NSUN5: variants seen among roughly 807,000 people sequenced by gnomAD.
NSUN5 encodes the protein 28S rRNA (cytosine-C(5))-methyltransferase.
A neutral mutation model predicts 51.1 loss-of-function variants in NSUN5; 39 were observed. That is an observed-to-expected ratio of 0.76 (90% CI 0.59 to 1.00). The LOEUF is 1.00. Ranked by LOEUF, NSUN5 falls within the 50% of genes least tolerant of loss-of-function variation. The pLI, the probability that NSUN5 is intolerant of heterozygous loss-of-function variation, is 0.00. For missense variants in NSUN5, 526 were observed against 614.0 expected (o/e 0.86, Z 1.51); for synonymous variants, 266 against 271.5 (o/e 0.98, Z 0.20).
At chr7:73,307,548 C>G in intron 3 of NSUN5, 35 bp downstream of exon 3, 1 of 1,584,980 alleles carries the variant, frequency 6.3e-7, no homozygotes, top group Non-Finnish European at 8.7e-7. Flanking sequence ...GCAAAGTTCC[C>G]CGCCTCCCCC....
In NSUN5 at chr7:73,308,688, G is replaced by A; in HGVS notation, c.93+10C>T. On this transcript the variant is annotated intron_variant, in intron 1 of 9. Transcript: ENST00000438747. ...TCCCCACCCCTACTACTCGCGCCCA[G>A]GTCCGCTACCTGGAAGTTGCTGGAG... 1 of 1,465,132 alleles carries A rather than the reference G, an allele frequency of 6.8e-7. No homozygotes were observed. The highest frequency in any genetic ancestry group is 9.2e-7 in the Non-Finnish European group (1 of 1,089,026). The allele number at this position is 1,465,132 out of a possible 1,614,324, so 90.8% of individuals were successfully genotyped here.
At chr7:73,307,053 A>G (rs1320237907) in intron 4 of NSUN5, among the ~76,000 whole-genome samples, 2 of 152,018 alleles carry the variant, frequency 1.3e-5, no homozygotes, top group Non-Finnish European at 2.9e-5. Flanking sequence ...CTGAGAGGAA[A>G]GATGACAAAT....
At position 73,308,684 on chromosome 7, in the gene NSUN5, C is replaced by G; in HGVS notation, c.93+14G>C. On this transcript the variant is annotated intron_variant, in intron 1 of 9. Transcript: ENST00000438747. Reference sequence around the variant, plus strand: ...TCACTCCCCACCCCTACTACTCGCGCCCAGGTCCGCTACCTGGAAGTTGCT... The same window carrying G: ...TCACTCCCCACCCCTACTACTCGCGGCCAGGTCCGCTACCTGGAAGTTGCT... 1 of 1,607,972 alleles carries G rather than the reference C, an allele frequency of 6.2e-7. No homozygotes were observed. The highest frequency in any genetic ancestry group is 2.2e-5 in the East Asian group (1 of 44,764).
At chr7:73,306,307 C>A (rs1343400623) in intron 4 of NSUN5, among the ~76,000 whole-genome samples, 1 of 148,750 alleles carries the variant, frequency 6.7e-6, no homozygotes, top group Non-Finnish European at 1.5e-5. Flanking sequence ...TTGCTTGAAC[C>A]CAGGAGGCAG....
At position 73,308,690 on chromosome 7, in the gene NSUN5, T is replaced by G. The variant is rs367842900; in HGVS notation, c.93+8A>C. ...CCCACCCCTACTACTCGCGCCCAGG[T>G]CCGCTACCTGGAAGTTGCTGGAGTA... On this transcript the variant is annotated splice_region_variant and intron_variant, in intron 1 of 9. Transcript: ENST00000438747. The G allele has an allele frequency of 2.4e-4, 376 of 1,535,304 alleles. No individual in the cohort carries two copies. The highest frequency in any genetic ancestry group is 3.2e-4 in the Non-Finnish European group (365 of 1,135,328).
intron 4 of NSUN5, among the ~76,000 whole-genome samples, chr7:73,305,765 A>G (rs1167490994): frequency 1.3e-5 from 2 of 152,170 alleles, no homozygotes; most frequent in Non-Finnish European, 2.9e-5. Flanking sequence ...AAATAGGCCT[A>G]GAGAGTCACA....
Position 73,304,377 on chromosome 7 carries a change from G to T in NSUN5, c.787C>A (p.Arg263=). Residue 263 remains arginine (R), a synonymous_variant, in exon 7 of 10, where the codon CGG becomes AGG. Transcript: ENST00000438747. ...AGCAGCGTGGCCATGGATGCCAGCC[G>T]CTTGGCATCCAGGTCAAAGGCAAAG... ...KIFAFDLDAK[R]LASMATLLAR... 1 of 1,613,458 alleles carries T rather than the reference G, an allele frequency of 6.2e-7. No individual in the cohort carries two copies. The highest frequency in any genetic ancestry group is 8.5e-7 in the Non-Finnish European group (1 of 1,179,672).
chr7:73,306,245 G>A (rs1449025950), intron 4 of NSUN5, among the ~76,000 whole-genome samples: 4 of 151,754 alleles, frequency 2.6e-5, no homozygotes, highest in African/African-American at 7.3e-5. Context: ...TTAGCCGGGC[G>A]TGGTGCTGCA....
At position 73,308,503 on chromosome 7, in the gene NSUN5, G is replaced by T; in HGVS notation, c.144C>A (p.Ala48=). ...CGCTGGCGATCACAGCATCCAGCACGGCGGAGTAGCGCTGCGTTTCGCACA... is the reference window on the plus strand; with the variant it reads ...CGCTGGCGATCACAGCATCCAGCACTGCGGAGTAGCGCTGCGTTTCGCACA... ...ALVCETQRYS[A]VLDAVIASAG... is the part of the protein sequence containing the mutation. The change falls in exon 2 of 10, where the codon GCC becomes GCA. Residue 48 remains alanine (A), a synonymous_variant. Coordinates refer to ENST00000438747, the MANE Select transcript of NSUN5 (RefSeq NM_148956.4). The T allele has an allele frequency of 1.2e-6, 2 of 1,606,850 alleles. No homozygotes were observed. The highest frequency in any genetic ancestry group is 1.7e-6 in the Non-Finnish European group (2 of 1,175,568).
chr7:73,305,192 T>C (rs534104171), intron 4 of NSUN5, 95 bp from the exon 5 acceptor site: 188 of 1,480,978 alleles, frequency 1.3e-4, no homozygotes, highest in South Asian at 1.0e-3. Context: ...ACCACAGCTA[T>C]GGAGAAATCA....
intron 1 of NSUN5, 39 bp from the exon 2 acceptor site, chr7:73,308,592 C>T (rs782138338): frequency 8.8e-6 from 14 of 1,589,004 alleles, no homozygotes; most frequent in Non-Finnish European, 1.2e-5. Flanking sequence ...GGGGGCTCCC[C>T]CGGCCCTCCT....
In NSUN5 at chr7:73,303,819, C is replaced by T. The variant is rs1803911760; in HGVS notation, c.1145+7G>A. On this transcript the variant is annotated splice_region_variant and intron_variant, in intron 8 of 9. Coordinates refer to ENST00000438747, the MANE Select transcript of NSUN5 (RefSeq NM_148956.4). ...CACTCCCCACGACCCTGGCGCCCGC[C>T]CTGTACCTGAAGGCGCCCGGGTTCT... The T allele has an allele frequency of 1.9e-6, 3 of 1,613,848 alleles. No homozygotes were observed. The highest frequency in any genetic ancestry group is 2.5e-6 in the Non-Finnish European group (3 of 1,179,880).
Position 73,307,273 on chromosome 7 carries a change from T to A in NSUN5, c.500+121A>T, listed in dbSNP as rs375837633. 4.2e-6 allele frequency: 3 copies of A among 710,432 alleles called. No individual in the cohort carries two copies. In the South Asian group the frequency reaches 5.3e-5, roughly 13 times the overall value. The allele number at this position is 710,432 out of a possible 1,614,324, so 44.0% of individuals were successfully genotyped here. On this transcript the variant is annotated intron_variant, in intron 4 of 9. Coordinates refer to ENST00000438747, the MANE Select transcript of NSUN5 (RefSeq NM_148956.4). The stretch of plus-strand genomic sequence containing the variant: ...CAGGAAGACAAACCTTGGAGATGGA[T>A]AAACTGCTGGAAAGGTAGGAAGAAA...
chr7:73,303,966 T>C lies in NSUN5; in HGVS notation c.1005A>G (p.Ala335=). ...GGCACAGGGCTCGCTGCTGGAACCC[T>C]GCCAGGGCATGCAGACGCACCGGGC... ...TPSPVRLHAL[A]GFQQRALCHA... The change falls in exon 8 of 10, where the codon GCA becomes GCG. Residue 335 remains alanine (A), a synonymous_variant. Coordinates refer to ENST00000438747, the MANE Select transcript of NSUN5 (RefSeq NM_148956.4). 6.2e-7 allele frequency: 1 copy of C among 1,614,136 alleles called. No homozygotes were observed. The highest frequency in any genetic ancestry group is 8.5e-7 in the Non-Finnish European group (1 of 1,180,022).
Position 73,303,925 on chromosome 7 carries a change from G to C in NSUN5, c.1046C>G (p.Pro349Arg), listed in dbSNP as rs566215915. 5 of 1,614,018 alleles carry C rather than the reference G, an allele frequency of 3.1e-6. No homozygotes were observed. The African/African-American group carries it at 5.3e-5, about 17-fold the overall frequency. ...GGAGTAGACGAGCCGCTGCAGGGAA[G>C]GGAAAGTGAGTGCGTGGCACAGGGC... ...QRALCHALTFPSLQRLVYSTC... is the reference protein window; with the variant it reads ...QRALCHALTFRSLQRLVYSTC... Residue 349 changes from proline to arginine, a missense_variant, in exon 8 of 10, where the codon CCT becomes CGT. Pro to Arg is a moderately radical substitution (Grantham distance 103). Transcript: ENST00000438747.
At chr7:73,307,340 C>T (rs560243848) in intron 4 of NSUN5, 54 bp downstream of exon 4, 2 of 1,324,650 alleles carry the variant, frequency 1.5e-6, no homozygotes, top group East Asian at 2.3e-5. Flanking sequence ...ACTTCTCTTC[C>T]CAATACCCCA....
At chr7:73,308,377 A>G (rs1804131858) in intron 2 of NSUN5, 54 bp downstream of exon 2, 1 of 1,543,014 alleles carries the variant, frequency 6.5e-7, no homozygotes, top group Non-Finnish European at 8.8e-7. Flanking sequence ...CTGAGACCAG[A>G]TGACAAAGCG....
At chr7:73,307,779 CA>C (rs2115675156) in intron 2 of NSUN5, 22 bp from the exon 3 acceptor site, 1 of 1,522,310 alleles carries the variant, frequency 6.6e-7, no homozygotes, top group East Asian at 2.5e-5. Context: ...GGAACAAAGA[CA>C]AAAACAAAAA....
rs1803854855 is a variant in NSUN5 at position 73,302,761 on chromosome 7, A to C, written c.*654T>G. The C allele has an allele frequency of 2.0e-6, 2 of 979,242 alleles. No homozygotes were observed. Among genetic ancestry groups the C allele is most frequent in the Non-Finnish European group, 2.4e-6 (2 of 824,150 alleles). The allele number at this position is 979,242 out of a possible 1,614,324, so 60.7% of individuals were successfully genotyped here. A position where few individuals can be genotyped will look rare whatever the true frequency, so the allele number is the denominator to read the frequency against. ...TCTTATTTTATAAATAATGTGATGTAAATGTAACTGGTGCCCCCTCCCCGA... is the reference window on the plus strand; with the variant it reads ...TCTTATTTTATAAATAATGTGATGTCAATGTAACTGGTGCCCCCTCCCCGA... On this transcript the variant is annotated 3_prime_UTR_variant, in exon 10 of 10. Coordinates refer to ENST00000438747, the MANE Select transcript of NSUN5 (RefSeq NM_148956.4).
Sources: allele counts gnomAD v4.1 joint callset (sites outside exome capture counted in the v4.1 genomes callset), GRCh38; gene constraint gnomAD v4.1.1; transcripts MANE v1.5; gene names NCBI Gene and HGNC (gene_info 2026-07-23, HGNC 2026-07-21).